Variants in NRAP observed in about 807,000 individuals in gnomAD.
The protein encoded by NRAP is nebulin-related-anchoring protein.
In NRAP, 189 loss-of-function variants were observed where a neutral mutation model predicts 225.9. The observed-to-expected ratio is 0.84, with a 90% CI of 0.74 to 0.94. The LOEUF is 0.94. NRAP is among the 40% of genes least tolerant of loss of function. NRAP has a pLI of 0.00. For missense variants in NRAP, 2,176 were observed against 2,168.7 expected (o/e 1.00, Z -0.07); for synonymous variants, 769 against 790.7 (o/e 0.97, Z 0.46).
chr10:113,653,326 C>T (rs7088933), intron 5 of NRAP, among the ~76,000 whole-genome samples: 49,233 of 152,052 alleles, frequency 0.32, 8,601 homozygotes, highest in African/African-American at 0.47. Flanking sequence ...CCTGTAGGTA[C>T]CACAGCTATT....
chr10:113,599,234 C>T (rs945473921), intron 35 of NRAP, among the ~76,000 whole-genome samples: 6 of 152,148 alleles, frequency 3.9e-5, no homozygotes, highest in African/African-American at 1.4e-4. Flanking sequence ...AAAGAGGGTC[C>T]GTTTCTGATC....
chr10:113,602,448 G>T (rs1846665073), intron 35 of NRAP, among the ~76,000 whole-genome samples: 1 of 152,176 alleles, frequency 6.6e-6, no homozygotes, highest in Admixed American at 6.5e-5. Flanking sequence ...CCTCAGGATT[G>T]CTTAGCAAAT....
intron 7 of NRAP, among the ~76,000 whole-genome samples, 158 bp downstream of exon 7, chr10:113,651,645 T>C (rs1849978601): frequency 6.6e-6 from 1 of 152,208 alleles, no homozygotes; most frequent in Non-Finnish European, 1.5e-5. Flanking sequence ...TCCAGCTCCA[T>C]CTGTGTCCCT....
In NRAP at chr10:113,650,545, C is replaced by T. The variant is rs1849890534; in HGVS notation, c.676G>A (p.Val226Met). The change falls in exon 8 of 42, where the codon GTG becomes ATG. Residue 226 changes from valine to methionine, a missense_variant and splice_region_variant. By Grantham distance (21) the Val-to-Met change is conservative. Around this residue, in one of 3 missense-constraint regions of NRAP, gnomAD observed 1,708 missense variants for 1,695.5 expected, o/e 1.01. Coordinates refer to ENST00000359988, the MANE Select transcript of NRAP (RefSeq NM_198060.4). ...TGTTCATAGTCCTCTGTGTATCTCACCTGAAATGAAAAAACATGTGAATCA... is the reference window on the plus strand; with the variant it reads ...TGTTCATAGTCCTCTGTGTATCTCATCTGAAATGAAAAAACATGTGAATCA... ...SKAGAQLQSD[V>M]RYTEDYEQQR... The T allele has an allele frequency of 1.2e-6, 2 of 1,600,620 alleles. No homozygotes were observed. The highest frequency in any genetic ancestry group is 1.7e-6 in the Non-Finnish European group (2 of 1,167,720).
intron 26 of NRAP, 127 bp from the exon 27 acceptor site, chr10:113,615,943 C>T (rs1011586213): frequency 1.5e-6 from 1 of 660,016 alleles, no homozygotes; most frequent in Non-Finnish European, 2.8e-6. Flanking sequence ...TTTCGGGCAC[C>T]CTGCCTCCAC....
intron 13 of NRAP, 141 bp downstream of exon 13, chr10:113,641,224 G>A: frequency 1.9e-6 from 1 of 526,048 alleles, no homozygotes; most frequent in Non-Finnish European, 3.3e-6. Flanking sequence ...CTAACATTTA[G>A]AAACTCTTTT....
At chr10:113,591,117 A>G (rs78494674) in intron 39 of NRAP, among the ~76,000 whole-genome samples, 2 of 152,222 alleles carry the variant, frequency 1.3e-5, no homozygotes, top group African/African-American at 4.8e-5. Context: ...TCTACACCCC[A>G]TAGGAGGTTG....
In NRAP at chr10:113,614,299, A is replaced by G. The variant is rs111980929; in HGVS notation, c.3187-3T>C. ...TCAAATGCCTCTTTGTATTTGTACTAAAGGGAAAGAGAGCGGGAGAGAGGA... is the reference window on the plus strand; with the variant it reads ...TCAAATGCCTCTTTGTATTTGTACTGAAGGGAAAGAGAGCGGGAGAGAGGA... On this transcript the variant is annotated splice_region_variant and splice_polypyrimidine_tract_variant and intron_variant, in intron 28 of 41. Transcript: ENST00000359988. 19 of 1,591,922 alleles carry G rather than the reference A, an allele frequency of 1.2e-5. No individual in the cohort carries two copies. In the Admixed American group the frequency reaches 2.8e-4, roughly 24 times the overall value.
At chr10:113,647,649 C>G (rs1318933292) in intron 9 of NRAP, among the ~76,000 whole-genome samples, 1 of 144,028 alleles carries the variant, frequency 6.9e-6, no homozygotes, top group African/African-American at 2.5e-5. Flanking sequence ...CTGTCTCCCC[C>G]CGGTGGTACT....
chr10:113,654,026 C>A lies in NRAP; in HGVS notation c.460G>T (p.Gly154Cys), dbSNP rs1194141461. 1 of 1,607,274 alleles carries A rather than the reference C, an allele frequency of 6.2e-7. No homozygotes were observed. Among genetic ancestry groups the A allele is most frequent in the South Asian group, 1.1e-5 (1 of 90,938 alleles). The change falls in exon 5 of 42, where the codon GGT (glycine) becomes TGT (cysteine). Residue 154 changes from glycine (G) to cysteine (C), a missense_variant. Gly to Cys is a radical substitution (Grantham distance 159, BLOSUM62 -3). This residue lies in a region of NRAP where 1,708 missense variants were observed against 1,695.5 expected (regional missense o/e 1.01). Transcript: ENST00000359988. ...GCAATTTCTAGGGTGCTTACCTCAC[C>A]AAGAGACTTTCGAGCCTCAACCATC... ...VRMVEARKSL[G>C]EEYTEDYEQP... is the part of the protein sequence containing the mutation.
intron 37 of NRAP, among the ~76,000 whole-genome samples, chr10:113,596,556 G>A (rs1243947852): frequency 1.3e-5 from 2 of 152,206 alleles, no homozygotes; most frequent in Non-Finnish European, 2.9e-5. Flanking sequence ...TATACAGAGA[G>A]TAAAATCAGG....
chr10:113,662,788 C>A lies in NRAP; in HGVS notation c.168-22G>T. 2.3e-6 allele frequency: 3 copies of A among 1,279,256 alleles called. No homozygotes were observed. The South Asian group carries it at 3.8e-5, about 16-fold the overall frequency. The allele number at this position is 1,279,256 out of a possible 1,614,324, so 79.2% of individuals were successfully genotyped here. On this transcript the variant is annotated intron_variant, in intron 2 of 41. Coordinates refer to ENST00000359988, the MANE Select transcript of NRAP (RefSeq NM_198060.4). ...ATGGCTACAACAAATAGGTATAAAT[C>A]AAAATTAGAAATGTACTTTATCCAA... is the stretch of plus-strand genomic sequence containing the variant.
At chr10:113,649,163 G>C (rs1419061923) in intron 9 of NRAP, among the ~76,000 whole-genome samples, 1 of 152,142 alleles carries the variant, frequency 6.6e-6, no homozygotes, top group Non-Finnish European at 1.5e-5. Flanking sequence ...CATTTTCAAA[G>C]GAGTCCCAAC....
intron 29 of NRAP, among the ~76,000 whole-genome samples, chr10:113,612,697 A>G (rs535027200): frequency 1.3e-5 from 2 of 152,326 alleles, no homozygotes; most frequent in East Asian, 3.9e-4. Context: ...ACAAAAGTCC[A>G]AGGAACAGTA....
Position 113,617,504 on chromosome 10 carries a change from T to C in NRAP, c.2924A>G (p.Asp975Gly), listed in dbSNP as rs1847738564. 6.8e-6 allele frequency: 11 copies of C among 1,612,926 alleles called. No individual in the cohort carries two copies. The East Asian group carries it at 2.2e-4, about 33-fold the overall frequency. Residue 975 changes from aspartate to glycine, a missense_variant, in exon 26 of 42, where the codon GAC becomes GGC. This residue lies in a region of NRAP where 1,708 missense variants were observed against 1,695.5 expected (regional missense o/e 1.01). Transcript: ENST00000359988. The stretch of plus-strand genomic sequence containing the variant: ...TCTGGCCTGGACCATCTCCGGAGTG[T>C]CTTTAATACTGGTAAACTTCAAAGC... ...PDALKFTSIK[D>G]TPEMVQARIS...
intron 20 of NRAP, among the ~76,000 whole-genome samples, chr10:113,628,122 G>A (rs2134016116): frequency 6.6e-6 from 1 of 152,322 alleles, no homozygotes; most frequent in East Asian, 1.9e-4. Flanking sequence ...GGTGTAAAGA[G>A]AGGCAAAGGC....
intron 40 of NRAP, among the ~76,000 whole-genome samples, 199 bp from the exon 41 acceptor site, chr10:113,589,996 G>A (rs929215649): frequency 2.0e-5 from 3 of 152,178 alleles, no homozygotes; most frequent in Non-Finnish European, 2.9e-5. Context: ...GAGTCCAGCC[G>A]GCATGTTGCT....
At chr10:113,640,356 A>G in intron 13 of NRAP, 25 bp from the exon 14 acceptor site, 3 of 1,306,086 alleles carry the variant, frequency 2.3e-6, no homozygotes, top group Non-Finnish European at 2.1e-6. Flanking sequence ...AAAGAAGAAG[A>G]ATGGAGAAAT....
chr10:113,625,045 A>G (rs1213513942), intron 21 of NRAP, 115 bp from the exon 22 acceptor site: 5 of 664,368 alleles, frequency 7.5e-6, no homozygotes, highest in Non-Finnish European at 1.1e-5. Context: ...CAGAAAGTCC[A>G]TTACAAAACC....
Sources: allele counts gnomAD v4.1 joint callset (sites outside exome capture counted in the v4.1 genomes callset), GRCh38; gene constraint gnomAD v4.1.1; regional missense constraint gnomAD v4.1.1; transcripts MANE v1.5; gene names NCBI Gene and HGNC (gene_info 2026-07-23, HGNC 2026-07-21).